The following SLC24A2 variants were observed in gnomAD, a reference collection of about 807,000 sequenced individuals.
SLC24A2 encodes sodium/potassium/calcium exchanger 2.
Under a neutral mutation model 62.0 loss-of-function variants are expected in SLC24A2, and 36 were observed. The observed-to-expected ratio is 0.58, with a 90% confidence interval of 0.44 to 0.77. SLC24A2 has a LOEUF of 0.77. SLC24A2 is among the 30% of genes least tolerant of loss of function. The probability of loss-of-function intolerance (pLI) is 0.00; values close to 1 mark genes in which losing one functional copy is unlikely to be tolerated. For synonymous variants in SLC24A2, 358 were observed against 294.0 expected, an observed-to-expected ratio of 1.22 and a Z score of -2.23; for missense variants, 846 against 817.9, an observed-to-expected ratio of 1.03 and a Z score of -0.42.
rs138481807 is a variant in SLC24A2, at chr9:19,785,970, G to A, written c.897C>T (p.Val299=). ...WVKQMINRNK[V]VKVTAPEAQA... The stretch of plus-strand genomic sequence containing the variant: ...GGGCTTCTGGTGCTGTCACCTTGAC[G>A]ACCTTATTGCGGTTTATCATTTGCT... Residue 299 remains valine (V), a synonymous_variant, in exon 2 of 11, where the codon GTC becomes GTT. Coordinates refer to ENST00000341998, the MANE Select transcript of SLC24A2 (RefSeq NM_020344.4). The A allele has an allele frequency of 4.2e-4, 675 of 1,614,128 alleles. 6 individuals carry two copies. The East Asian group carries it at 5.0e-3, about 12-fold the overall frequency.
chr9:20,228,223 C>A, the SLC24A2 span, among the ~76,000 whole-genome samples: 1 of 152,192 alleles, frequency 6.6e-6, no homozygotes, highest in South Asian at 2.1e-4. Flanking sequence ...CCTAAATTTC[C>A]TCTTAGTAGA....
At chr9:19,825,780 A>G in the SLC24A2 span, among the ~76,000 whole-genome samples, 1 of 152,024 alleles carries the variant, frequency 6.6e-6, no homozygotes, top group Non-Finnish European at 1.5e-5. Context: ...CAAAGTAATT[A>G]TTTTGCTTGT....
the SLC24A2 span, among the ~76,000 whole-genome samples, chr9:19,986,896 G>A: frequency 6.6e-6 from 1 of 152,072 alleles, no homozygotes; most frequent in Non-Finnish European, 1.5e-5. Context: ...TGTACTAAAT[G>A]CCATTGAAAT....
the SLC24A2 span, among the ~76,000 whole-genome samples, chr9:20,143,441 T>G: frequency 3.3e-5 from 5 of 152,238 alleles, no homozygotes; most frequent in Non-Finnish European, 7.3e-5. Context: ...TTTTCCTGCC[T>G]TGACTTAGTG....
chr9:19,703,032 T>A (rs996147455), intron 2 of SLC24A2, among the ~76,000 whole-genome samples: 1 of 152,138 alleles, frequency 6.6e-6, no homozygotes, highest in Non-Finnish European at 1.5e-5. Flanking sequence ...TATACTGTTG[T>A]TGGGTAAAAG....
chr9:20,063,918 AG>A, the SLC24A2 span, among the ~76,000 whole-genome samples: 1 of 152,198 alleles, frequency 6.6e-6, no homozygotes, highest in Admixed American at 6.6e-5. Flanking sequence ...AAAACAGCTT[AG>A]CAGTTTCTTA....
the SLC24A2 span, among the ~76,000 whole-genome samples, chr9:19,840,960 T>G: frequency 6.6e-6 from 1 of 152,208 alleles, no homozygotes; most frequent in Non-Finnish European, 1.5e-5. Flanking sequence ...AATTTTCCAT[T>G]GTACATAAGG....
the SLC24A2 span, among the ~76,000 whole-genome samples, chr9:20,283,513 C>A: frequency 6.6e-6 from 1 of 152,106 alleles, no homozygotes; most frequent in Admixed American, 6.6e-5. Context: ...GGAAGAGACT[C>A]GAATTACCCC....
chr9:20,165,486 A>C, the SLC24A2 span, among the ~76,000 whole-genome samples: 2 of 151,938 alleles, frequency 1.3e-5, no homozygotes, highest in Non-Finnish European at 2.9e-5. Context: ...GAACAGAAAC[A>C]GAGCACTCTA....
At chr9:19,929,897 T>TA in the SLC24A2 span, 4 of 152,082 alleles carry the variant, frequency 2.6e-5, no homozygotes, top group Admixed American at 2.0e-4. Flanking sequence ...CAAAAAAGTC[T>TA]AAAAAGCAAA....
the SLC24A2 span, among the ~76,000 whole-genome samples, chr9:20,116,060 G>T: frequency 6.6e-6 from 1 of 152,158 alleles, no homozygotes; most frequent in Non-Finnish European, 1.5e-5. Flanking sequence ...AGCCACACAG[G>T]ACAGGGCAGA....
the SLC24A2 span, among the ~76,000 whole-genome samples, chr9:19,838,211 C>A: frequency 0.038 from 5,830 of 152,068 alleles, 400 homozygotes; most frequent in African/African-American, 0.13. Flanking sequence ...GAACTGGTAC[C>A]AAAACAGAGG....
chr9:19,655,034 C>A (rs1818906578), intron 2 of SLC24A2, among the ~76,000 whole-genome samples: 1 of 152,188 alleles, frequency 6.6e-6, no homozygotes, highest in African/African-American at 2.4e-5. Context: ...ATATTAGTTT[C>A]TTGTAGACAG....
At chr9:20,103,216 C>A in the SLC24A2 span, among the ~76,000 whole-genome samples, 1 of 152,226 alleles carries the variant, frequency 6.6e-6, no homozygotes, top group Non-Finnish European at 1.5e-5. Flanking sequence ...GGGTGGAGCC[C>A]ACCACAGCTC....
At chr9:19,901,736 A>C in the SLC24A2 span, among the ~76,000 whole-genome samples, 2 of 152,016 alleles carry the variant, frequency 1.3e-5, no homozygotes, top group African/African-American at 4.8e-5. Flanking sequence ...AAGTGTGCAG[A>C]CTCTCTAAAA....
chr9:19,921,332 G>A, the SLC24A2 span, among the ~76,000 whole-genome samples: 1 of 151,730 alleles, frequency 6.6e-6, no homozygotes, highest in Non-Finnish European at 1.5e-5. Context: ...GACCATCCTG[G>A]CTAGCATGGT....
At chr9:20,094,902 T>A in the SLC24A2 span, among the ~76,000 whole-genome samples, 2 of 152,168 alleles carry the variant, frequency 1.3e-5, no homozygotes, top group African/African-American at 4.8e-5. Context: ...GTTTTCATAT[T>A]ATAATTAACC....
chr9:20,107,938 C>T, the SLC24A2 span, among the ~76,000 whole-genome samples: 1 of 152,060 alleles, frequency 6.6e-6, no homozygotes, highest in Non-Finnish European at 1.5e-5. Context: ...ATTTTCGCAA[C>T]CTACTCATCT....
intron 4 of SLC24A2, among the ~76,000 whole-genome samples, chr9:19,600,777 T>C (rs1054659460): frequency 1.5e-4 from 23 of 152,162 alleles, no homozygotes; most frequent in African/African-American, 5.5e-4. Context: ...CTCTGGATGA[T>C]CAAGCAAGAA....
Sources: gnomAD v4.1 joint callset for allele counts (sites outside exome capture counted in the v4.1 genomes callset) on GRCh38, gnomAD v4.1.1 for gene constraint, MANE v1.5 for transcripts, NCBI Gene and HGNC (gene_info 2026-07-23, HGNC 2026-07-21) for gene names.